The following MSL1 variants were observed in gnomAD, a reference collection of about 807,000 sequenced individuals.
MSL1 encodes MSL complex subunit 1.
In MSL1, 21 loss-of-function variants were observed where a neutral mutation model predicts 64.6. The observed-to-expected ratio is 0.33, with a 90% CI of 0.23 to 0.47. The LOEUF (loss-of-function observed/expected upper bound fraction) is 0.47, where lower values mean the gene tolerates loss of function less well. MSL1 is among the 20% of genes least tolerant of loss of function. The pLI, the probability that MSL1 is intolerant of heterozygous loss-of-function variation, is 1.00. For synonymous variants in MSL1, 339 were observed against 329.6 expected (o/e 1.03, Z -0.31); for missense variants, 664 against 793.2 (o/e 0.84, Z 1.96).
In MSL1 at chr17:40,133,883, C is replaced by T. The variant is rs1270116186; in HGVS notation, c.1738C>T (p.Pro580Ser). Residue 580 changes from proline (P) to serine (S), a missense_variant, in exon 8 of 9, where the codon CCA (proline) becomes TCA (serine). By Grantham distance (74) the Pro-to-Ser change is moderately conservative. Around this residue, in one of 4 missense-constraint regions of MSL1, gnomAD observed 76 missense variants for 98.5 expected, o/e 0.77. Coordinates refer to ENST00000398532, the MANE Select transcript of MSL1 (RefSeq NM_001365919.1). ...LPVVAFGRPLPKLTPQNFELP... is the reference protein window; with the variant it reads ...LPVVAFGRPLSKLTPQNFELP... ...TGTTGTAGCATTTGGACGACCATTA[C>T]CAAAATTAACTCCACAGTAAGTATA... is the stretch of plus-strand genomic sequence containing the variant. 1 of 1,613,798 alleles carries T rather than the reference C, an allele frequency of 6.2e-7. No individual in the cohort carries two copies. Among genetic ancestry groups the T allele is most frequent in the Non-Finnish European group, 8.5e-7 (1 of 1,179,716 alleles).
Position 40,136,002 on chromosome 17 carries a change from A to C in MSL1, c.*1633A>C, listed in dbSNP as rs1045816193. On this transcript the variant is annotated 3_prime_UTR_variant, in exon 9 of 9. Transcript: ENST00000398532. ...ACTAGGGGCTCTCATCTCACACCTT[A>C]AGGAGGAGATTTCTAGAAAAACTGG... 1 of 152,282 alleles carries C rather than the reference A, an allele frequency of 6.6e-6. No individual in the cohort carries two copies. Among genetic ancestry groups the C allele is most frequent in the Admixed American group, 6.5e-5 (1 of 15,272 alleles). 9.4% of individuals were successfully genotyped at this position (152,282 alleles called of 1,614,324 possible).
intron 5 of MSL1, among the ~76,000 whole-genome samples, chr17:40,132,745 G>C (rs1988465112): frequency 6.6e-6 from 1 of 152,208 alleles, no homozygotes; most frequent in African/African-American, 2.4e-5. Context: ...ACAAAGTATG[G>C]AGGCAGGGAG....
intron 2 of MSL1, among the ~76,000 whole-genome samples, chr17:40,128,632 T>C (rs906224016): frequency 4.0e-5 from 6 of 150,580 alleles, no homozygotes; most frequent in East Asian, 2.1e-4. Context: ...TCCGCCTGCA[T>C]TGGCCTTCCA....
At chr17:40,134,237 C>T (rs755939744) in intron 8 of MSL1, 42 bp from the exon 9 acceptor site, 195 of 1,514,592 alleles carry the variant, frequency 1.3e-4, no homozygotes, top group Admixed American at 4.3e-4. Flanking sequence ...CACTGAATCC[C>T]TTCTAGTCTT....
chr17:40,132,636 C>T (rs1437036315), intron 5 of MSL1, among the ~76,000 whole-genome samples: 1 of 152,088 alleles, frequency 6.6e-6, no homozygotes, highest in Non-Finnish European at 1.5e-5. Context: ...GACTCCATCA[C>T]ACACACACAA....
chr17:40,132,094 T>C lies in MSL1; in HGVS notation c.1484T>C (p.Leu495Ser). 1 of 1,600,264 alleles carries C rather than the reference T, an allele frequency of 6.2e-7. No homozygotes were observed. Among genetic ancestry groups the C allele is most frequent in the Non-Finnish European group, 8.5e-7 (1 of 1,171,864 alleles). ...PLRDPNPSDLLENLDDSVFSK... is the reference protein window; with the variant it reads ...PLRDPNPSDLSENLDDSVFSK... ...AGGGACCCAAATCCTTCAGACCTTT[T>C]GGAGGTAGGTAACCAAGAGCACTCA... The change falls in exon 5 of 9, where the codon TTG becomes TCG. Residue 495 changes from leucine to serine, a missense_variant. By Grantham distance (145) the Leu-to-Ser change is moderately radical. Around this residue, in one of 4 missense-constraint regions of MSL1, gnomAD observed 119 missense variants for 164.3 expected, o/e 0.72. Transcript: ENST00000398532.
intron 8 of MSL1, 100 bp from the exon 9 acceptor site, chr17:40,134,179 G>A: frequency 1.0e-6 from 1 of 958,062 alleles, no homozygotes; most frequent in Middle Eastern, 2.7e-4. Context: ...GTCAGGGATA[G>A]GAGTGGTAAG....
intron 1 of MSL1, chr17:40,124,680 A>G (rs1057314524): frequency 6.6e-6 from 1 of 152,204 alleles, no homozygotes; most frequent in Non-Finnish European, 1.5e-5. Flanking sequence ...ACAACACATC[A>G]TATCCTTGTA....
chr17:40,126,604 A>G (rs769055435), intron 2 of MSL1, 198 bp downstream of exon 2: 80 of 568,512 alleles, frequency 1.4e-4, no homozygotes, highest in Non-Finnish European at 2.2e-4. Context: ...GTCAAGAGAT[A>G]GAGACCATCC....
chr17:40,133,225 C>A, intron 6 of MSL1, 116 bp downstream of exon 6: 1 of 942,802 alleles, frequency 1.1e-6, no homozygotes. Context: ...GCTTAACACT[C>A]TTACATTACT....
chr17:40,123,211 A>G lies in MSL1; in HGVS notation c.599A>G (p.Lys200Arg). The G allele has an allele frequency of 2.0e-6, 3 of 1,535,524 alleles. No homozygotes were observed. Among genetic ancestry groups the G allele is most frequent in the Non-Finnish European group, 2.6e-6 (3 of 1,146,816 alleles). ...CTGGCGGCCAGCGAGGGCAGATGGA[A>G]GAGTATGAGGAAGAGCCCTCTCGGG... ...GTLAASEGRW[K>R]SMRKSPLGGG... is the part of the protein sequence containing the mutation. The change falls in exon 1 of 9, where the codon AAG (lysine) becomes AGG (arginine). Residue 200 changes from lysine (K) to arginine (R), a missense_variant. Physicochemically the swap from Lys to Arg is conservative, Grantham distance 26. Coordinates refer to ENST00000398532, the MANE Select transcript of MSL1 (RefSeq NM_001365919.1).
chr17:40,133,416 T>C, intron 6 of MSL1, 118 bp from the exon 7 acceptor site: 1 of 1,294,376 alleles, frequency 7.7e-7, no homozygotes, highest in Non-Finnish European at 1.0e-6. Context: ...TTACCCTGTC[T>C]AGAGGAGTCA....
At chr17:40,123,412 A>T in intron 1 of MSL1, 32 bp downstream of exon 1, 1 of 1,530,902 alleles carries the variant, frequency 6.5e-7, no homozygotes, top group Non-Finnish European at 8.7e-7. Flanking sequence ...ATTCGGGCCG[A>T]GGAGCGAGTT....
Position 40,122,860 on chromosome 17 carries a change from T to C in MSL1, c.248T>C (p.Leu83Pro), listed in dbSNP as rs1988216716. ...GGCGGCAAGGGCCGGGGCTTGTTAC[T>C]CCCGGCCGGGGCGGCCCCCGGGCAG... ...GCGGKGRGLL[L>P]PAGAAPGQQE... Residue 83 changes from leucine to proline, a missense_variant, in exon 1 of 9, where the codon CTC becomes CCC. Coordinates refer to ENST00000398532, the MANE Select transcript of MSL1 (RefSeq NM_001365919.1). The surrounding 1 kb of genome is among the most constrained non-coding windows in gnomAD (Gnocchi z 4.2). 1.4e-6 allele frequency: 2 copies of C among 1,389,984 alleles called. No homozygotes were observed. Among genetic ancestry groups the C allele is most frequent in the Admixed American group, 7.3e-5 (2 of 27,466 alleles). 86.1% of individuals were successfully genotyped at this position (1,389,984 alleles called of 1,614,324 possible).
chr17:40,133,707 G>T, intron 7 of MSL1, 49 bp downstream of exon 7: 1 of 1,611,298 alleles, frequency 6.2e-7, no homozygotes, highest in Non-Finnish European at 8.5e-7. Context: ...AAGGAGGAGG[G>T]TGCAAGGCTC....
At chr17:40,127,187 T>C (rs890670423) in intron 2 of MSL1, among the ~76,000 whole-genome samples, 20 of 151,700 alleles carry the variant, frequency 1.3e-4, no homozygotes, top group African/African-American at 4.6e-4. Context: ...GGCAACATAG[T>C]GAGACCTCAT....
At chr17:40,123,445 G>A in intron 1 of MSL1, 65 bp downstream of exon 1, 2 of 1,486,370 alleles carry the variant, frequency 1.3e-6, no homozygotes, top group Non-Finnish European at 1.8e-6. Context: ...GGGGGAAGGG[G>A]GCTGTAGGAG....
chr17:40,129,749 A>T, intron 3 of MSL1, 122 bp downstream of exon 3: 2 of 1,098,534 alleles, frequency 1.8e-6, no homozygotes, highest in Non-Finnish European at 2.5e-6. Context: ...GTCAAGAATG[A>T]GTAAGTTAAC....
In MSL1 at chr17:40,131,925, T is replaced by C. The variant is rs896819498; in HGVS notation, c.1424-109T>C. 1 of 775,484 alleles carries C rather than the reference T, an allele frequency of 1.3e-6. No individual in the cohort carries two copies. Among genetic ancestry groups the C allele is most frequent in the Non-Finnish European group, 2.1e-6 (1 of 471,622 alleles). The allele number at this position is 775,484 out of a possible 1,614,324, so 48.0% of individuals were successfully genotyped here. A position where few individuals can be genotyped will look rare whatever the true frequency, so the allele number is the denominator to read the frequency against. Reference sequence around the variant, plus strand: ...AATGGATTCCTATCACTTGGTAACTTTGTCTCTTCTGGGGAGAGACCTCTT... The same window carrying C: ...AATGGATTCCTATCACTTGGTAACTCTGTCTCTTCTGGGGAGAGACCTCTT... On this transcript the variant is annotated intron_variant, in intron 4 of 8. Coordinates refer to ENST00000398532, the MANE Select transcript of MSL1 (RefSeq NM_001365919.1). The surrounding 1 kb of genome is among the most constrained non-coding windows in gnomAD (Gnocchi z 4.5).
Sources: allele counts gnomAD v4.1 joint callset (sites outside exome capture counted in the v4.1 genomes callset), GRCh38; gene constraint gnomAD v4.1.1; regional missense constraint gnomAD v4.1.1; non-coding constraint Gnocchi (gnomAD v3.1); transcripts MANE v1.5; gene names NCBI Gene and HGNC (gene_info 2026-07-23, HGNC 2026-07-21).